DENND1A: variants seen among roughly 807,000 people sequenced by gnomAD.
DENND1A encodes the protein DENN domain containing 1A.
DENND1A carries 51 observed loss-of-function variants against 113.7 expected under a neutral mutation model. The ratio of observed to expected loss-of-function variants is 0.45; its 90% CI spans 0.36 to 0.57. The LOEUF is 0.57. Among genes scored for constraint, DENND1A ranks in the 20% least tolerant of loss-of-function variants. The pLI, the probability that DENND1A is intolerant of heterozygous loss-of-function variation, is 0.00. For synonymous variants in DENND1A, 565 were observed against 570.8 expected (o/e 0.99, Z 0.14); for missense variants, 1,258 against 1,395.9 (o/e 0.90, Z 1.57).
chr9:123,887,701 G>A (rs1441813620), intron 1 of DENND1A, among the ~76,000 whole-genome samples: 8 of 151,898 alleles, frequency 5.3e-5, no homozygotes, highest in Non-Finnish European at 7.4e-5. Context: ...GGCAGGAGGT[G>A]TGGAGAACCA....
intron 1 of DENND1A, among the ~76,000 whole-genome samples, chr9:123,902,993 T>C (rs1851959186): frequency 6.6e-6 from 1 of 152,054 alleles, no homozygotes; most frequent in Admixed American, 6.5e-5. Flanking sequence ...ATCCCAGGAA[T>C]GCAAGGCTGG....
intron 13 of DENND1A, among the ~76,000 whole-genome samples, chr9:123,545,508 C>T (rs539245815): frequency 5.9e-5 from 9 of 152,008 alleles, no homozygotes; most frequent in African/African-American, 2.2e-4. Flanking sequence ...GCTCTGTCGC[C>T]CAGGCTGGAG....
intron 1 of DENND1A, among the ~76,000 whole-genome samples, chr9:123,910,497 A>G (rs994925429): frequency 6.6e-6 from 1 of 152,254 alleles, no homozygotes; most frequent in African/African-American, 2.4e-5. Flanking sequence ...AACTAAAATT[A>G]AAATGTAAAA....
At chr9:123,505,911 T>G (rs1446974838) in intron 13 of DENND1A, among the ~76,000 whole-genome samples, 1 of 152,134 alleles carries the variant, frequency 6.6e-6, no homozygotes, top group East Asian at 1.9e-4. Context: ...CTTAGACAAG[T>G]GCCCTGTGAT....
In DENND1A at chr9:123,382,185, T is replaced by G; in HGVS notation, c.2460A>C (p.Gln820His). ...GCGGCTGGAGCAGTTCAGTGGGGCC[T>G]TGGGGGACAACACCAGGCAGGAGCC... ...SPGLLPGVVPQGPTELLQPLS... is the reference protein window; with the variant it reads ...SPGLLPGVVPHGPTELLQPLS... The change falls in exon 24 of 24, where the codon CAA (glutamine) becomes CAC (histidine). Residue 820 changes from glutamine to histidine, a missense_variant. Gln to His is a conservative substitution (Grantham distance 24). This residue lies in a region of DENND1A where 1,159 missense variants were observed against 1,231.7 expected (regional missense o/e 0.94). Transcript: ENST00000394215. 1 of 1,609,428 alleles carries G rather than the reference T, an allele frequency of 6.2e-7. No homozygotes were observed. The highest frequency in any genetic ancestry group is 8.5e-7 in the Non-Finnish European group (1 of 1,179,360).
At chr9:123,590,333 A>T (rs1002504589) in intron 11 of DENND1A, among the ~76,000 whole-genome samples, 1 of 152,218 alleles carries the variant, frequency 6.6e-6, no homozygotes, top group Non-Finnish European at 1.5e-5. Context: ...ATATTTGCCC[A>T]AGAGCAGACA....
intron 10 of DENND1A, among the ~76,000 whole-genome samples, chr9:123,614,117 C>G (rs1016400030): frequency 6.6e-6 from 1 of 152,180 alleles, no homozygotes; most frequent in African/African-American, 2.4e-5. Context: ...CAAGGTGGTG[C>G]GATCATCCAT....
chr9:123,582,092 C>A (rs1042069429), intron 12 of DENND1A, among the ~76,000 whole-genome samples: 1 of 152,090 alleles, frequency 6.6e-6, no homozygotes, highest in East Asian at 1.9e-4. Flanking sequence ...AAGTGCAATG[C>A]GGAGGGTGCA....
At chr9:123,395,819 C>T (rs1241501913) in intron 21 of DENND1A, among the ~76,000 whole-genome samples, 2 of 152,154 alleles carry the variant, frequency 1.3e-5, no homozygotes, top group Non-Finnish European at 2.9e-5. Flanking sequence ...GACGCCCCTA[C>T]CCCGCCTCCC....
chr9:123,852,989 G>A (rs1490620596), intron 2 of DENND1A, among the ~76,000 whole-genome samples: 1 of 151,510 alleles, frequency 6.6e-6, no homozygotes, highest in African/African-American at 2.4e-5. Context: ...CATAATCTTG[G>A]CTCACTGCAA....
chr9:123,638,641 T>C (rs2061846271), intron 9 of DENND1A, among the ~76,000 whole-genome samples: 2 of 152,154 alleles, frequency 1.3e-5, no homozygotes, highest in South Asian at 4.2e-4. Context: ...TTTGTGTTTT[T>C]AGTAGAGACG....
chr9:123,432,884 C>T (rs1380115918), intron 19 of DENND1A, among the ~76,000 whole-genome samples: 2 of 152,208 alleles, frequency 1.3e-5, no homozygotes, highest in South Asian at 2.1e-4. Context: ...CACTGGGCCT[C>T]CTCTGGGCTT....
intron 13 of DENND1A, among the ~76,000 whole-genome samples, chr9:123,515,449 G>A (rs892421497): frequency 3.3e-5 from 5 of 152,002 alleles, no homozygotes; most frequent in African/African-American, 7.3e-5. Flanking sequence ...AAATGGTTCC[G>A]CAAAAATAAA....
intron 8 of DENND1A, among the ~76,000 whole-genome samples, chr9:123,652,805 T>A (rs1173536281): frequency 6.6e-6 from 1 of 152,210 alleles, no homozygotes; most frequent in African/African-American, 2.4e-5. Context: ...CAGCAAGTTG[T>A]GACAAAGCAG....
intron 2 of DENND1A, among the ~76,000 whole-genome samples, chr9:123,796,620 G>A (rs563515136): frequency 3.2e-4 from 48 of 152,204 alleles, no homozygotes; most frequent in African/African-American, 1.1e-3. Context: ...CAAAAACCCT[G>A]AGTTCTGCCT....
chr9:123,565,148 C>T lies in DENND1A; in HGVS notation c.868-7453G>A, dbSNP rs76185446. Among the ~76,000 whole-genome samples, 525 of 152,208 alleles carry T rather than the reference C, an allele frequency of 3.4e-3. 3 individuals carry two copies. Among genetic ancestry groups the T allele is most frequent in the South Asian group, 8.7e-3 (42 of 4,822 alleles). ...CTGGGATTACAGGCATGTGCCACCA[C>T]GCCCAGCTAATTTTTGTATTTTTAG... On this transcript the variant is annotated intron_variant, in intron 12 of 23. Transcript: ENST00000394215.
At chr9:123,417,627 C>A (rs1297353183) in intron 19 of DENND1A, among the ~76,000 whole-genome samples, 3 of 152,186 alleles carry the variant, frequency 2.0e-5, no homozygotes, top group Non-Finnish European at 4.4e-5. Context: ...TAATCCTTGT[C>A]CCTTCTGAAG....
intron 21 of DENND1A, among the ~76,000 whole-genome samples, chr9:123,388,537 C>T (rs1289177500): frequency 3.3e-5 from 5 of 152,186 alleles, no homozygotes; most frequent in African/African-American, 1.2e-4. Flanking sequence ...CGAGAAGGCC[C>T]TTTTCTGATT....
At chr9:123,661,911 G>A (rs1360212500) in intron 8 of DENND1A, among the ~76,000 whole-genome samples, 1 of 151,936 alleles carries the variant, frequency 6.6e-6, no homozygotes, top group African/African-American at 2.4e-5. Context: ...ATCAGCACAG[G>A]ATATTTTAAC....
Sources: gnomAD v4.1 joint callset for allele counts (sites outside exome capture counted in the v4.1 genomes callset) on GRCh38, gnomAD v4.1.1 for gene constraint, gnomAD v4.1.1 regional missense constraint, MANE v1.5 for transcripts, NCBI Gene and HGNC (gene_info 2026-07-23, HGNC 2026-07-21) for gene names.